The following GDPD5 variants were observed in gnomAD, a reference collection of about 807,000 sequenced individuals.
GDPD5 encodes glycerophosphodiester phosphodiesterase domain containing 5, also known as glycerophosphodiester phosphodiesterase 2.
A neutral mutation model predicts 75.1 loss-of-function variants in GDPD5; 48 were observed. The ratio of observed to expected loss-of-function variants is 0.64; its 90% CI spans 0.51 to 0.81. GDPD5 has a LOEUF of 0.81. Among genes scored for constraint, GDPD5 ranks in the 40% least tolerant of loss-of-function variants. The pLI, the probability that GDPD5 is intolerant of heterozygous loss-of-function variation, is 0.00. For missense variants in GDPD5, 706 were observed against 822.6 expected, an observed-to-expected ratio of 0.86 and a Z score of 1.73; for synonymous variants, 336 against 339.0, an observed-to-expected ratio of 0.99 and a Z score of 0.10.
At chr11:75,459,333 AAT>A (rs928700054) in intron 4 of GDPD5, among the ~76,000 whole-genome samples, 38 of 113,118 alleles carry the variant, frequency 3.4e-4, no homozygotes, top group Non-Finnish European at 2.0e-4. Flanking sequence ...AAAGAGAATG[AAT>A]TTTTTTTTTT....
chr11:75,480,249 C>T (rs1402834808), intron 2 of GDPD5, among the ~76,000 whole-genome samples: 2 of 151,682 alleles, frequency 1.3e-5, no homozygotes, highest in African/African-American at 4.8e-5. Context: ...GCAAGAAAAT[C>T]GCTTAAACCT....
intron 15 of GDPD5, among the ~76,000 whole-genome samples, 173 bp downstream of exon 15, chr11:75,439,706 T>C (rs964242294): frequency 1.3e-5 from 2 of 152,036 alleles, no homozygotes; most frequent in Non-Finnish European, 2.9e-5. Context: ...ATTCCAGAAG[T>C]CACCCAGCCT....
chr11:75,500,677 C>T (rs1950289666), intron 1 of GDPD5, among the ~76,000 whole-genome samples: 1 of 152,208 alleles, frequency 6.6e-6, no homozygotes, highest in Non-Finnish European at 1.5e-5. Flanking sequence ...TGCACCTGGA[C>T]ATCCCACAGG....
In GDPD5 at chr11:75,478,319, G is replaced by A. The variant is rs117918294; in HGVS notation, c.-60-524C>T. Among the ~76,000 whole-genome samples, 1,212 of 152,186 alleles carry A rather than the reference G, an allele frequency of 8.0e-3. 28 individuals are homozygous for A. Among genetic ancestry groups the A allele is most frequent in the South Asian group, 0.066 (317 of 4,818 alleles). On this transcript the variant is annotated intron_variant, in intron 2 of 16. Transcript: ENST00000336898. ...TGCCCACCACATCTGGCTAATTTTC[G>A]TATTTTTGTAGAGCTGGGGTTTTGC...
rs765378884 is a variant in GDPD5 at position 75,443,243 on chromosome 11, G to A, written c.841C>T (p.Arg281Cys). ...PFLMHDTTLRRTTNVEEEFPE... is the reference protein window; with the variant it reads ...PFLMHDTTLRCTTNVEEEFPE... ...AACTCCTCCTCCACGTTGGTGGTGC[G>A]CCGCAGGGTGGTGTCATGCATGAGG... is the stretch of plus-strand genomic sequence containing the variant. The change falls in exon 11 of 17, where the codon CGC becomes TGC. Residue 281 changes from arginine (R) to cysteine (C), a missense_variant. Transcript: ENST00000336898. The A allele has an allele frequency of 4.3e-6, 7 of 1,609,638 alleles. No individual in the cohort carries two copies. The highest frequency in any genetic ancestry group is 1.7e-5 in the Admixed American group (1 of 59,366).
intron 6 of GDPD5, among the ~76,000 whole-genome samples, chr11:75,454,238 G>A (rs1350901459): frequency 6.6e-6 from 1 of 152,152 alleles, no homozygotes; most frequent in East Asian, 1.9e-4. Context: ...GAAAACACAA[G>A]TTACTCAAAC....
At chr11:75,489,328 T>C (rs1950069224) in intron 2 of GDPD5, among the ~76,000 whole-genome samples, 2 of 152,262 alleles carry the variant, frequency 1.3e-5, no homozygotes, top group South Asian at 2.1e-4. Context: ...TGAACATCAC[T>C]ACTCTTCACA....
At chr11:75,447,753 C>T (rs907646685) in intron 9 of GDPD5, among the ~76,000 whole-genome samples, 1 of 152,090 alleles carries the variant, frequency 6.6e-6, no homozygotes, top group Non-Finnish European at 1.5e-5. Flanking sequence ...GTTTTAAGCC[C>T]CTCAGAAGAG....
chr11:75,506,129 AG>A (rs769835836), intron 1 of GDPD5, among the ~76,000 whole-genome samples: 2 of 152,200 alleles, frequency 1.3e-5, no homozygotes, highest in African/African-American at 2.4e-5. Flanking sequence ...TGCTGAGCCA[AG>A]GGCTTGGCAC....
At chr11:75,441,918 C>T (rs1465314982) in intron 12 of GDPD5, 115 bp from the exon 13 acceptor site, 7 of 1,085,566 alleles carry the variant, frequency 6.4e-6, no homozygotes, top group East Asian at 2.6e-5. Context: ...GCGGTGAAAG[C>T]TTAGATGAAG....
chr11:75,512,820 C>A (rs1950554613), intron 1 of GDPD5, among the ~76,000 whole-genome samples: 1 of 152,096 alleles, frequency 6.6e-6, no homozygotes, highest in African/African-American at 2.4e-5. Context: ...GAGGCCGAGG[C>A]AGGAGAATCA....
chr11:75,457,361 CT>C (rs1949306675), intron 5 of GDPD5, among the ~76,000 whole-genome samples: 2 of 152,312 alleles, frequency 1.3e-5, no homozygotes, highest in South Asian at 4.1e-4. Context: ...AGAGGACCTC[CT>C]GCTTTGGGGG....
intron 1 of GDPD5, among the ~76,000 whole-genome samples, chr11:75,504,987 G>A (rs184339838): frequency 6.6e-6 from 1 of 151,990 alleles, no homozygotes; most frequent in East Asian, 1.9e-4. Flanking sequence ...TTAGCCGGGT[G>A]TGCGCATGCC....
chr11:75,458,222 T>C (rs577828559), intron 4 of GDPD5, among the ~76,000 whole-genome samples: 3 of 152,252 alleles, frequency 2.0e-5, no homozygotes, highest in Admixed American at 2.0e-4. Context: ...TAGGACCTTG[T>C]GGAGGACAGG....
chr11:75,482,823 C>A (rs982279993), intron 2 of GDPD5, among the ~76,000 whole-genome samples: 1 of 152,202 alleles, frequency 6.6e-6, no homozygotes, highest in Admixed American at 6.5e-5. Flanking sequence ...CTCCCTCTTA[C>A]CTGGGCACAC....
At chr11:75,443,065 T>G in intron 11 of GDPD5, 71 bp downstream of exon 11, 2 of 1,532,244 alleles carry the variant, frequency 1.3e-6, no homozygotes, top group Non-Finnish European at 8.9e-7. Context: ...TGGCCACCCT[T>G]GCACCTCTCA....
intron 13 of GDPD5, 103 bp downstream of exon 13, chr11:75,441,543 C>CGTGTGTGT (rs34643232): frequency 3.1e-6 from 3 of 952,834 alleles, no homozygotes; most frequent in Admixed American, 2.6e-5. Flanking sequence ...TCTGCCCGAC[C>CGTGTGTGT]GTGTGTGTGT....
Position 75,489,913 on chromosome 11 carries a change from G to C in GDPD5, c.-61+324C>G, listed in dbSNP as rs79873512. On this transcript the variant is annotated intron_variant, in intron 2 of 16. Coordinates refer to ENST00000336898, the MANE Select transcript of GDPD5 (RefSeq NM_030792.8). ...GCCACCATGCCTGGCGACCTGCCTG[G>C]GTTTGAAACCCAGCTCTAACATGTA... 6.6e-5 allele frequency among the ~76,000 whole-genome samples: 10 copies of C among 152,100 alleles called. No homozygotes were observed. In the East Asian group the frequency reaches 1.9e-3, roughly 29 times the overall value.
chr11:75,498,683 CAGAG>C lies in GDPD5; in HGVS notation c.-144-8367_-144-8364del, dbSNP rs921922075. 8.5e-5 allele frequency among the ~76,000 whole-genome samples: 13 copies of C among 152,150 alleles called. 1 individual carries two copies. Among genetic ancestry groups the C allele is most frequent in the Non-Finnish European group, 1.9e-4 (13 of 68,020 alleles). Reference sequence around the variant, plus strand: ...GTGGGATTTTGCCTCTAGAAGCTGACAGAGAAAGACCTGGGGCTAGAGAAGCAGT... The same window carrying C: ...GTGGGATTTTGCCTCTAGAAGCTGACAAAGACCTGGGGCTAGAGAAGCAGT... On this transcript the variant is annotated intron_variant, in intron 1 of 16. Coordinates refer to ENST00000336898, the MANE Select transcript of GDPD5 (RefSeq NM_030792.8).
Sources: allele counts gnomAD v4.1 joint callset (sites outside exome capture counted in the v4.1 genomes callset), GRCh38; gene constraint gnomAD v4.1.1; transcripts MANE v1.5; gene names NCBI Gene and HGNC (gene_info 2026-07-23, HGNC 2026-07-21).